Variants in RBMS3 observed in about 807,000 individuals in gnomAD.
The protein encoded by RBMS3 is RNA-binding motif, single-stranded-interacting protein 3.
A neutral mutation model predicts 66.8 loss-of-function variants in RBMS3; 27 were observed. The ratio of observed to expected loss-of-function variants is 0.40; its 90% CI spans 0.30 to 0.56. RBMS3 has a LOEUF of 0.56. RBMS3 is among the 20% of genes least tolerant of loss of function. The probability of loss-of-function intolerance (pLI) is 0.40; values close to 1 mark genes in which losing one functional copy is unlikely to be tolerated. For synonymous variants in RBMS3, 188 were observed against 183.0 expected, an observed-to-expected ratio of 1.03 and a Z score of -0.22; for missense variants, 513 against 549.5, an observed-to-expected ratio of 0.93 and a Z score of 0.66.
chr3:29,995,388 C>T (rs575023465), intron 14 of RBMS3, among the ~76,000 whole-genome samples: 62 of 152,250 alleles, frequency 4.1e-4, no homozygotes, highest in African/African-American at 1.2e-3. Context: ...GGCAGGCCAA[C>T]GTTCAGATTC....
chr3:29,751,905 G>A (rs1284815867), intron 5 of RBMS3, among the ~76,000 whole-genome samples: 3 of 152,146 alleles, frequency 2.0e-5, no homozygotes, highest in South Asian at 4.1e-4. Context: ...CCATGGCAGC[G>A]CCTAGGGGTT....
intron 14 of RBMS3, among the ~76,000 whole-genome samples, chr3:29,996,167 A>G (rs1418451114): frequency 7.4e-5 from 11 of 149,586 alleles, no homozygotes; most frequent in African/African-American, 2.7e-4. Context: ...AAAAGAGACA[A>G]AGAAGGCCAT....
intron 2 of RBMS3, among the ~76,000 whole-genome samples, chr3:29,443,271 G>T (rs983106063): frequency 1.3e-5 from 2 of 152,096 alleles, no homozygotes; most frequent in Non-Finnish European, 2.9e-5. Flanking sequence ...TAGCTCGTCT[G>T]CTTCAGTACT....
At chr3:29,429,583 T>G (rs568243079) in intron 1 of RBMS3, among the ~76,000 whole-genome samples, 15 of 152,306 alleles carry the variant, frequency 9.8e-5, no homozygotes, top group African/African-American at 2.9e-4. Context: ...ATGTGCCATT[T>G]CCACCGCTTC....
intron 3 of RBMS3, among the ~76,000 whole-genome samples, chr3:29,546,749 A>G (rs990770147): frequency 2.0e-5 from 3 of 152,112 alleles, no homozygotes; most frequent in African/African-American, 7.2e-5. Flanking sequence ...AACACTCAAG[A>G]GATGTTTGGT....
chr3:29,685,959 T>G (rs2051714277), intron 4 of RBMS3, among the ~76,000 whole-genome samples: 1 of 152,170 alleles, frequency 6.6e-6, no homozygotes, highest in South Asian at 2.1e-4. Flanking sequence ...CAACAAGTCT[T>G]CCAAAGTGGG....
At chr3:29,434,082 C>A (rs975447237) in intron 1 of RBMS3, among the ~76,000 whole-genome samples, 3 of 152,002 alleles carry the variant, frequency 2.0e-5, no homozygotes, top group Non-Finnish European at 4.4e-5. Flanking sequence ...AGGTTGGGAT[C>A]CTGGATTAGA....
chr3:29,358,409 C>G (rs1310937326), intron 1 of RBMS3, among the ~76,000 whole-genome samples: 1 of 152,132 alleles, frequency 6.6e-6, no homozygotes, highest in African/African-American at 2.4e-5. Flanking sequence ...GTCTGTATCT[C>G]TGTTTTGGTA....
intron 7 of RBMS3, among the ~76,000 whole-genome samples, chr3:29,869,958 C>CT (rs1361111183): frequency 6.6e-6 from 1 of 152,008 alleles, no homozygotes; most frequent in Non-Finnish European, 1.5e-5. Flanking sequence ...ATCCTTTAGC[C>CT]TTTTTTCAGT....
At chr3:29,418,580 C>T (rs1412184814) in intron 1 of RBMS3, among the ~76,000 whole-genome samples, 2 of 152,084 alleles carry the variant, frequency 1.3e-5, no homozygotes, top group Non-Finnish European at 2.9e-5. Context: ...TAGAATCTCA[C>T]TCTTCTGCAT....
chr3:29,289,464 A>G (rs1306872556), intron 1 of RBMS3, among the ~76,000 whole-genome samples: 1 of 151,920 alleles, frequency 6.6e-6, no homozygotes, highest in Non-Finnish European at 1.5e-5. Flanking sequence ...GTTGTAGAAT[A>G]TTTAGTGATG....
chr3:29,914,298 T>A (rs2060586363), intron 10 of RBMS3, among the ~76,000 whole-genome samples: 1 of 151,944 alleles, frequency 6.6e-6, no homozygotes, highest in South Asian at 2.1e-4. Context: ...AAGTTGAGGA[T>A]CAGGGATATA....
At chr3:29,823,824 T>TA (rs1336900183) in intron 6 of RBMS3, among the ~76,000 whole-genome samples, 1 of 152,176 alleles carries the variant, frequency 6.6e-6, no homozygotes, top group African/African-American at 2.4e-5. Context: ...ATTGTTATTT[T>TA]ATACCTAGGA....
chr3:29,356,369 G>A (rs140165491), intron 1 of RBMS3, among the ~76,000 whole-genome samples: 3 of 152,214 alleles, frequency 2.0e-5, no homozygotes, highest in Non-Finnish European at 4.4e-5. Context: ...GGTAAATTCT[G>A]TTACCCAGCT....
intron 6 of RBMS3, among the ~76,000 whole-genome samples, chr3:29,770,472 G>C (rs377387826): frequency 6.6e-6 from 1 of 151,948 alleles, no homozygotes; most frequent in East Asian, 1.9e-4. Flanking sequence ...AATGTGTCTG[G>C]AGTTTCCATT....
At chr3:29,627,933 A>G (rs2049131713) in intron 4 of RBMS3, among the ~76,000 whole-genome samples, 1 of 152,144 alleles carries the variant, frequency 6.6e-6, no homozygotes, top group African/African-American at 2.4e-5. Context: ...CTAAGGAGCC[A>G]GTGTAGAGAA....
At chr3:29,866,257 G>A (rs1042799218) in intron 6 of RBMS3, among the ~76,000 whole-genome samples, 4 of 151,976 alleles carry the variant, frequency 2.6e-5, no homozygotes, top group Non-Finnish European at 5.9e-5. Flanking sequence ...TTGTATATTG[G>A]GAATATGTAC....
At chr3:29,508,049 A>C (rs1442627122) in intron 3 of RBMS3, among the ~76,000 whole-genome samples, 2 of 152,144 alleles carry the variant, frequency 1.3e-5, no homozygotes, top group Non-Finnish European at 2.9e-5. Context: ...GAAATTTTGA[A>C]TCTCTGTTAT....
chr3:29,859,752 C>A (rs1220672487), intron 6 of RBMS3, among the ~76,000 whole-genome samples: 4 of 152,198 alleles, frequency 2.6e-5, no homozygotes, highest in African/African-American at 9.6e-5. Flanking sequence ...TGCAGGTTTT[C>A]TAACTCCAAA....
Sources: allele counts gnomAD v4.1 joint callset (sites outside exome capture counted in the v4.1 genomes callset), GRCh38; gene constraint gnomAD v4.1.1; transcripts MANE v1.5; gene names NCBI Gene and HGNC (gene_info 2026-07-23, HGNC 2026-07-21).